Variants in TBC1D14 observed in about 807,000 individuals in gnomAD.
TBC1D14 encodes TBC1 domain family member 14, also known as TBC1 domain family, member 14.
A neutral mutation model predicts 79.0 loss-of-function variants in TBC1D14; 26 were observed. The ratio of observed to expected loss-of-function variants is 0.33; its 90% CI spans 0.24 to 0.46. The LOEUF is 0.46. TBC1D14 is among the 20% of genes least tolerant of loss of function. The pLI is 1.00. For missense variants in TBC1D14, 769 were observed against 887.6 expected, an observed-to-expected ratio of 0.87 and a Z score of 1.70; for synonymous variants, 394 against 349.9, an observed-to-expected ratio of 1.13 and a Z score of -1.40.
chr4:6,966,020 G>A (rs73088528), intron 2 of TBC1D14, among the ~76,000 whole-genome samples: 10 of 152,230 alleles, frequency 6.6e-5, no homozygotes, highest in African/African-American at 2.4e-4. Context: ...CTCCTTACTA[G>A]GTGACTTCCC....
At chr4:6,999,440 G>C (rs1391345325) in intron 6 of TBC1D14, among the ~76,000 whole-genome samples, 2 of 152,088 alleles carry the variant, frequency 1.3e-5, no homozygotes, top group East Asian at 1.9e-4. Flanking sequence ...AGCTTCTAAA[G>C]CATGAGTCAG....
intron 3 of TBC1D14, among the ~76,000 whole-genome samples, chr4:6,985,362 A>G (rs1717728678): frequency 6.6e-6 from 1 of 152,196 alleles, no homozygotes; most frequent in Non-Finnish European, 1.5e-5. Flanking sequence ...TATTCTTTTC[A>G]TATAAAACAC....
Position 6,923,719 on chromosome 4 carries a change from T to C in TBC1D14, c.330T>C (p.Cys110=). Residue 110 remains cysteine, a synonymous_variant, in exon 2 of 14, where the codon TGT becomes TGC. Transcript: ENST00000409757. ...AGAGCGCCTGCGCGCTGCCATCCTG[T>C]GCGCCACCAGCTCCTAGCAGCACCG... The part of the protein sequence containing the change: ...AFQSACALPS[C]APPAPSSTER... 1 of 1,613,906 alleles carries C rather than the reference T, an allele frequency of 6.2e-7. No homozygotes were observed. The highest frequency in any genetic ancestry group is 8.5e-7 in the Non-Finnish European group (1 of 1,180,028).
intron 2 of TBC1D14, among the ~76,000 whole-genome samples, chr4:6,925,229 C>T (rs148529511): frequency 2.9e-3 from 441 of 152,214 alleles, no homozygotes; most frequent in Middle Eastern, 0.01. Flanking sequence ...ATCGCGCCAC[C>T]GCACTCCAGC....
intron 12 of TBC1D14, among the ~76,000 whole-genome samples, chr4:7,024,601 A>G (rs894045539): frequency 6.6e-6 from 1 of 152,118 alleles, no homozygotes; most frequent in Admixed American, 6.5e-5. Context: ...GGCGGGGGGA[A>G]CCTGTGCAGT....
At chr4:6,952,887 G>A (rs1012557253) in intron 2 of TBC1D14, among the ~76,000 whole-genome samples, 29 of 151,820 alleles carry the variant, frequency 1.9e-4, no homozygotes, top group East Asian at 1.9e-4. Flanking sequence ...TCACTCTGTC[G>A]CCCAGGCTGG....
chr4:6,966,923 C>G (rs998339386), intron 2 of TBC1D14, among the ~76,000 whole-genome samples: 4 of 152,210 alleles, frequency 2.6e-5, no homozygotes, highest in African/African-American at 9.7e-5. Flanking sequence ...CATTCTCCTG[C>G]CTCAGCCTCC....
At chr4:7,007,062 G>C (rs1720274296) in intron 9 of TBC1D14, among the ~76,000 whole-genome samples, 3 of 152,160 alleles carry the variant, frequency 2.0e-5, no homozygotes, top group African/African-American at 7.2e-5. Flanking sequence ...TCTGCTCTCA[G>C]GACTGTGTGT....
At chr4:6,948,509 A>G (rs762430236) in intron 2 of TBC1D14, among the ~76,000 whole-genome samples, 12 of 152,166 alleles carry the variant, frequency 7.9e-5, no homozygotes, top group South Asian at 2.1e-4. Context: ...TCAGGGTCCA[A>G]TGGTTACAAA....
At chr4:7,005,059 T>G (rs1322431584) in intron 8 of TBC1D14, 135 bp downstream of exon 8, 5 of 813,996 alleles carry the variant, frequency 6.1e-6, no homozygotes, top group East Asian at 2.8e-5. Context: ...GAGAAAAGGG[T>G]TTTTTTTGTT....
chr4:7,009,921 T>C lies in TBC1D14; in HGVS notation c.1491T>C (p.Tyr497=), dbSNP rs758812201. 1 of 1,614,254 alleles carries C rather than the reference T, an allele frequency of 6.2e-7. No homozygotes were observed. Among genetic ancestry groups the C allele is most frequent in the East Asian group, 2.2e-5 (1 of 44,894 alleles). The change falls in exon 10 of 14, where the codon TAT becomes TAC. Residue 497 remains tyrosine (Y), a synonymous_variant. Coordinates refer to ENST00000409757, the MANE Select transcript of TBC1D14 (RefSeq NM_020773.3). The stretch of plus-strand genomic sequence containing the variant: ...TGTTGCACAGTATTTTGGGCGCTTA[T>C]ACTTGTTACCGGCCAGATGTGGGTT... The part of the protein sequence containing the change: ...HDMLHSILGA[Y]TCYRPDVGYV...
intron 2 of TBC1D14, among the ~76,000 whole-genome samples, chr4:6,938,511 C>T (rs549076808): frequency 6.6e-6 from 1 of 152,312 alleles, no homozygotes; most frequent in East Asian, 1.9e-4. Flanking sequence ...GCTGGCTGCC[C>T]ACAGCAGGTG....
chr4:7,005,289 A>C (rs1208498402), intron 8 of TBC1D14, among the ~76,000 whole-genome samples: 2 of 152,182 alleles, frequency 1.3e-5, no homozygotes, highest in East Asian at 3.9e-4. Flanking sequence ...TAATCCCAGC[A>C]CTTTGGGAGG....
At chr4:6,916,895 G>A (rs1481902410) in intron 1 of TBC1D14, among the ~76,000 whole-genome samples, 1 of 152,228 alleles carries the variant, frequency 6.6e-6, no homozygotes, top group African/African-American at 2.4e-5. Context: ...CTACGGATGC[G>A]TACTGCAGTG....
At chr4:6,913,737 C>T (rs1360908619) in intron 1 of TBC1D14, among the ~76,000 whole-genome samples, 1 of 152,190 alleles carries the variant, frequency 6.6e-6, no homozygotes, top group African/African-American at 2.4e-5. Context: ...TATCATTTGC[C>T]TCCCAGTCAC....
At chr4:6,958,374 T>TACACACACACACACACACACACACACAC (rs529020444) in intron 2 of TBC1D14, among the ~76,000 whole-genome samples, 2 of 42,252 alleles carry the variant, frequency 4.7e-5, no homozygotes, top group African/African-American at 2.3e-4. Flanking sequence ...GATCCCCACA[T>TACACACACACACACACACACACACACAC]ATACACACAC....
chr4:6,926,274 C>G (rs1281573814), intron 2 of TBC1D14, among the ~76,000 whole-genome samples: 1 of 152,200 alleles, frequency 6.6e-6, no homozygotes, highest in South Asian at 2.1e-4. Context: ...GATCCAGACA[C>G]GTAGTAAACT....
At chr4:6,928,737 G>A (rs558477118) in intron 2 of TBC1D14, among the ~76,000 whole-genome samples, 2 of 152,258 alleles carry the variant, frequency 1.3e-5, no homozygotes, top group South Asian at 2.1e-4. Context: ...AGTAAGTACC[G>A]TGAGTTTTCA....
intron 3 of TBC1D14, among the ~76,000 whole-genome samples, chr4:6,978,108 G>T (rs544199125): frequency 3.3e-5 from 5 of 149,914 alleles, no homozygotes; most frequent in Admixed American, 3.3e-4. Context: ...CCCCATCCGG[G>T]AGGGAGGTGG....
Sources: gnomAD v4.1 joint callset for allele counts (sites outside exome capture counted in the v4.1 genomes callset) on GRCh38, gnomAD v4.1.1 for gene constraint, MANE v1.5 for transcripts, NCBI Gene and HGNC (gene_info 2026-07-23, HGNC 2026-07-21) for gene names.